The following NFKB1 variants were observed in gnomAD, a reference collection of about 807,000 sequenced individuals.
NFKB1 encodes the protein nuclear factor kappa B subunit 1, also known as nuclear factor NF-kappa-B p105 subunit.
A neutral mutation model predicts 105.1 loss-of-function variants in NFKB1; 9 were observed. That is an observed-to-expected ratio of 0.09 (90% CI 0.05 to 0.15). The LOEUF is 0.15. Among genes scored for constraint, NFKB1 ranks in the 10% least tolerant of loss-of-function variants. The pLI is 1.00. For missense variants in NFKB1, 830 were observed against 1,203.7 expected (o/e 0.69, Z 4.59); for synonymous variants, 440 against 442.2 (o/e 1.00, Z 0.06).
intron 1 of NFKB1, among the ~76,000 whole-genome samples, chr4:102,502,907 A>T (rs1324756530): frequency 6.6e-6 from 1 of 152,204 alleles, no homozygotes; most frequent in East Asian, 1.9e-4. Context: ...GTGATCTTTT[A>T]GTAAATAGTA....
intron 6 of NFKB1, among the ~76,000 whole-genome samples, chr4:102,572,351 T>C (rs563840640): frequency 1.1e-4 from 15 of 136,366 alleles, no homozygotes; most frequent in Non-Finnish European, 2.2e-4. Flanking sequence ...GGGGGAGGGA[T>C]AGCATTAGGA....
chr4:102,606,148 T>C (rs1030025742), intron 16 of NFKB1, among the ~76,000 whole-genome samples: 3 of 152,194 alleles, frequency 2.0e-5, no homozygotes, highest in African/African-American at 7.2e-5. Context: ...TATGAAGTGA[T>C]GGATTTGTAA....
intron 8 of NFKB1, 49 bp downstream of exon 8, chr4:102,579,088 C>G (rs757600397): frequency 6.4e-7 from 1 of 1,567,340 alleles, no homozygotes; most frequent in South Asian, 1.1e-5. Context: ...AGACTTCCAG[C>G]CCTGCCCTGC....
At chr4:102,521,990 G>A (rs577470274) in intron 1 of NFKB1, among the ~76,000 whole-genome samples, 69 of 152,314 alleles carry the variant, frequency 4.5e-4, no homozygotes, top group Non-Finnish European at 8.5e-4. Flanking sequence ...GAAAAGAGAT[G>A]CAGAGATTAG....
rs536500036 is a variant in NFKB1 at position 102,601,724 on chromosome 4, G to A, written c.1752+715G>A. ...AGGCAAGGAGCCTGGGAGCCACTTCGGCAGAAGCAGAGCTTGGACGTTGGT... is the reference window on the plus strand; with the variant it reads ...AGGCAAGGAGCCTGGGAGCCACTTCAGCAGAAGCAGAGCTTGGACGTTGGT... On this transcript the variant is annotated intron_variant, in intron 16 of 23. Coordinates refer to ENST00000226574, the MANE Select transcript of NFKB1 (RefSeq NM_003998.4). 6.6e-5 allele frequency among the ~76,000 whole-genome samples: 10 copies of A among 152,342 alleles called. No homozygotes were observed. The East Asian group carries it at 7.7e-4, about 12-fold the overall frequency.
chr4:102,593,887 T>C (rs1726384797), intron 12 of NFKB1, among the ~76,000 whole-genome samples: 1 of 152,178 alleles, frequency 6.6e-6, no homozygotes, highest in Admixed American at 6.5e-5. Flanking sequence ...TTTGGAAACA[T>C]TGAAAAGATT....
At chr4:102,547,506 A>G (rs371958785) in intron 5 of NFKB1, among the ~76,000 whole-genome samples, 9 of 152,158 alleles carry the variant, frequency 5.9e-5, no homozygotes, top group Admixed American at 3.9e-4. Flanking sequence ...GTTGGTTCCT[A>G]GTTTTGCGAC....
chr4:102,614,596 C>T (rs1019089826), intron 23 of NFKB1, among the ~76,000 whole-genome samples: 1 of 152,084 alleles, frequency 6.6e-6, no homozygotes, highest in Non-Finnish European at 1.5e-5. Flanking sequence ...CAGTTGGGAT[C>T]GCATCCCCAC....
chr4:102,602,426 G>A (rs1335957213), intron 16 of NFKB1, among the ~76,000 whole-genome samples: 1 of 151,454 alleles, frequency 6.6e-6, no homozygotes. Flanking sequence ...TGTAGTCCCA[G>A]CTACTCGGGA....
At chr4:102,509,761 C>A (rs1217264947) in intron 1 of NFKB1, among the ~76,000 whole-genome samples, 1 of 152,132 alleles carries the variant, frequency 6.6e-6, no homozygotes, top group African/African-American at 2.4e-5. Flanking sequence ...AGTCAGTCAC[C>A]AAGTTCTATC....
intron 15 of NFKB1, among the ~76,000 whole-genome samples, chr4:102,598,382 C>T (rs1221841185): frequency 6.6e-6 from 1 of 152,152 alleles, no homozygotes; most frequent in East Asian, 1.9e-4. Context: ...AAGTCAAGTG[C>T]CTTATCTAAA....
intron 1 of NFKB1, among the ~76,000 whole-genome samples, chr4:102,511,124 T>C (rs1371319099): frequency 6.6e-6 from 1 of 152,188 alleles, no homozygotes; most frequent in East Asian, 1.9e-4. Flanking sequence ...CCTCCAGCTT[T>C]AGTATAGTAC....
chr4:102,599,408 C>A (rs112428277), intron 15 of NFKB1, among the ~76,000 whole-genome samples: 1 of 152,274 alleles, frequency 6.6e-6, no homozygotes, highest in African/African-American at 2.4e-5. Context: ...GATATACTTG[C>A]TATTGCTAAG....
At chr4:102,536,365 G>A (rs554947408) in intron 4 of NFKB1, among the ~76,000 whole-genome samples, 2 of 152,230 alleles carry the variant, frequency 1.3e-5, no homozygotes, top group Admixed American at 1.3e-4. Flanking sequence ...GTGATGAGTT[G>A]ATCATAAACT....
chr4:102,505,862 T>C (rs72929576), intron 1 of NFKB1, among the ~76,000 whole-genome samples: 1,739 of 151,242 alleles, frequency 0.011, 31 homozygotes, highest in African/African-American at 0.04. Context: ...ATGAATGATA[T>C]GAAGTTGTTG....
intron 6 of NFKB1, among the ~76,000 whole-genome samples, chr4:102,574,530 C>G (rs79211154): frequency 6.6e-6 from 1 of 152,072 alleles, no homozygotes; most frequent in Non-Finnish European, 1.5e-5. Flanking sequence ...TTTTAGCCTC[C>G]TTGGCTTCCT....
intron 5 of NFKB1, among the ~76,000 whole-genome samples, chr4:102,562,647 CT>C (rs1723534429): frequency 6.6e-6 from 1 of 152,132 alleles, no homozygotes; most frequent in African/African-American, 2.4e-5. Context: ...TGTATTATTC[CT>C]TTTAACTTTA....
At chr4:102,507,008 TATAA>T (rs1363108168) in intron 1 of NFKB1, among the ~76,000 whole-genome samples, 15 of 148,718 alleles carry the variant, frequency 1.0e-4, no homozygotes, top group Middle Eastern at 3.6e-3. Flanking sequence ...ATGATATATG[TATAA>T]ATACATATTT....
intron 6 of NFKB1, among the ~76,000 whole-genome samples, chr4:102,573,073 C>T (rs230538): frequency 0.59 from 89,640 of 151,928 alleles, 26,629 homozygotes; most frequent in Middle Eastern, 0.71. Context: ...CTTTGGAAGG[C>T]CGAGGCGGGC....
Sources: gnomAD v4.1 joint callset for allele counts (sites outside exome capture counted in the v4.1 genomes callset) on GRCh38, gnomAD v4.1.1 for gene constraint, MANE v1.5 for transcripts, NCBI Gene and HGNC (gene_info 2026-07-23, HGNC 2026-07-21) for gene names.